Variants in STPG1 observed in about 807,000 individuals in gnomAD.
STPG1 encodes the protein O(6)-methylguanine-induced apoptosis 2.
A neutral mutation model predicts 40.1 loss-of-function variants in STPG1; 33 were observed. That is an observed-to-expected ratio of 0.82 (90% CI 0.62 to 1.10). STPG1 has a LOEUF of 1.10. Ranked by LOEUF, STPG1 falls within the 50% of genes least tolerant of loss-of-function variation. The pLI, the probability that STPG1 is intolerant of heterozygous loss-of-function variation, is 0.00. For synonymous variants in STPG1, 150 were observed against 155.0 expected (o/e 0.97, Z 0.24); for missense variants, 396 against 415.1 (o/e 0.95, Z 0.40).
intron 2 of STPG1, among the ~76,000 whole-genome samples, chr1:24,398,131 T>C (rs572415726): frequency 2.0e-5 from 3 of 152,266 alleles, no homozygotes; most frequent in African/African-American, 7.2e-5. Flanking sequence ...CCATTAGGTA[T>C]GTAATGGTAT....
rs1338118809 is a variant in STPG1 at position 24,379,740 on chromosome 1, G to A, written c.375C>T (p.Asp125=). 6.2e-7 allele frequency: 1 copy of A among 1,614,164 alleles called. No individual in the cohort carries two copies. Among genetic ancestry groups the A allele is most frequent in the Admixed American group, 1.7e-5 (1 of 60,022 alleles). ...TIPSDFISKR[D]FSNSCSSMFQ... is the part of the protein sequence containing the mutation. ...ACATGCTGGAACACGAATTACTAAA[G>A]TCTCTCTTGGAAATAAAATCCGATG... is the stretch of plus-strand genomic sequence containing the variant. Residue 125 remains aspartate (D), a synonymous_variant, in exon 5 of 9, where the codon GAC becomes GAT. Transcript: ENST00000337248.
intron 6 of STPG1, among the ~76,000 whole-genome samples, chr1:24,371,969 G>C (rs1641768112): frequency 6.6e-6 from 1 of 152,198 alleles, no homozygotes; most frequent in East Asian, 1.9e-4. Flanking sequence ...CTTGAGGTCA[G>C]GAGTTTGAGA....
At chr1:24,366,059 A>G (rs1269813136) in intron 7 of STPG1, among the ~76,000 whole-genome samples, 1 of 152,210 alleles carries the variant, frequency 6.6e-6, no homozygotes, top group Non-Finnish European at 1.5e-5. Context: ...GGGAGAATTC[A>G]TATCTGCACT....
At chr1:24,385,590 T>A (rs1190643523) in intron 3 of STPG1, among the ~76,000 whole-genome samples, 1 of 152,216 alleles carries the variant, frequency 6.6e-6, no homozygotes, top group Non-Finnish European at 1.5e-5. Flanking sequence ...CATGTACTAT[T>A]AGCTCACTTA....
intron 2 of STPG1, among the ~76,000 whole-genome samples, chr1:24,393,532 G>A (rs987738331): frequency 6.6e-6 from 1 of 152,092 alleles, no homozygotes; most frequent in Admixed American, 6.5e-5. Flanking sequence ...ATTTAAAAAA[G>A]GTTAAAGGAA....
chr1:24,413,413 T>C (rs995800865), intron 1 of STPG1, among the ~76,000 whole-genome samples: 7 of 152,210 alleles, frequency 4.6e-5, no homozygotes, highest in Non-Finnish European at 7.3e-5. Context: ...CCCACGCCCC[T>C]GGCAGGAGCT....
chr1:24,371,459 TG>T (rs770460871), intron 6 of STPG1, among the ~76,000 whole-genome samples: 42 of 151,886 alleles, frequency 2.8e-4, no homozygotes, highest in Non-Finnish European at 1.9e-4. Flanking sequence ...GGTGTGGTGG[TG>T]TGCACCTGTA....
At chr1:24,402,745 CA>C (rs4024512) in intron 1 of STPG1, among the ~76,000 whole-genome samples, 75 of 108,010 alleles carry the variant, frequency 6.9e-4, no homozygotes, top group African/African-American at 6.1e-4. Flanking sequence ...CAGCCTATCT[CA>C]AAAAAAAAAA....
Position 24,413,718 on chromosome 1 carries a change from G to A in STPG1, c.-113C>T, listed in dbSNP as rs1643866938. 6.6e-6 allele frequency: 1 copy of A among 152,270 alleles called. No homozygotes were observed. Among genetic ancestry groups the A allele is most frequent in the South Asian group, 2.1e-4 (1 of 4,832 alleles). The allele number at this position is 152,270 out of a possible 1,614,324, so 9.4% of individuals were successfully genotyped here. A position where few individuals can be genotyped will look rare whatever the true frequency, so the allele number is the denominator to read the frequency against. On this transcript the variant is annotated 5_prime_UTR_variant, in exon 1 of 9. Transcript: ENST00000337248. ...TGAATCTGGCCAGCCCAACCTCCCGGTCGCTATGGCACCCACAGGCCTAAC... is the reference window on the plus strand; with the variant it reads ...TGAATCTGGCCAGCCCAACCTCCCGATCGCTATGGCACCCACAGGCCTAAC...
intron 7 of STPG1, among the ~76,000 whole-genome samples, chr1:24,363,347 T>C (rs1641245808): frequency 6.6e-6 from 1 of 152,218 alleles, no homozygotes; most frequent in Admixed American, 6.5e-5. Flanking sequence ...TGTGGGATTC[T>C]GGGCCAGGCA....
At chr1:24,374,027 C>A (rs1319247982) in intron 5 of STPG1, among the ~76,000 whole-genome samples, 1 of 152,160 alleles carries the variant, frequency 6.6e-6, no homozygotes. Flanking sequence ...CTGGAAAATG[C>A]TGGTCACTCA....
In STPG1 at chr1:24,399,724, A is replaced by G. The variant is rs555743131; in HGVS notation, c.70+1595T>C. 6.6e-5 allele frequency among the ~76,000 whole-genome samples: 10 copies of G among 152,326 alleles called. No individual in the cohort carries two copies. Among genetic ancestry groups the G allele is most frequent in the Admixed American group, 5.9e-4 (9 of 15,300 alleles). On this transcript the variant is annotated intron_variant, in intron 2 of 8. Transcript: ENST00000337248. The surrounding 1 kb of genome is among the most constrained non-coding windows in gnomAD (Gnocchi z 4.0). ...AAGAACTCCTATAAATAAAAAAAAGAAAAGACAAGACAAGACCCAGCAGAA... is the reference window on the plus strand; with the variant it reads ...AAGAACTCCTATAAATAAAAAAAAGGAAAGACAAGACAAGACCCAGCAGAA...
intron 5 of STPG1, among the ~76,000 whole-genome samples, chr1:24,378,683 AATT>A (rs1642143630): frequency 6.6e-6 from 1 of 152,248 alleles, no homozygotes; most frequent in Non-Finnish European, 1.5e-5. Context: ...TCAGAAAAAT[AATT>A]ATTAATTATC....
In STPG1 at chr1:24,358,460, C is replaced by T. The variant is rs781396424; in HGVS notation, c.*83G>A. 99 of 1,179,608 alleles carry T rather than the reference C, an allele frequency of 8.4e-5. No individual in the cohort carries two copies. The highest frequency in any genetic ancestry group is 1.2e-4 in the East Asian group (5 of 42,908). 73.1% of individuals were successfully genotyped at this position (1,179,608 alleles called of 1,614,324 possible). Reference sequence around the variant, plus strand: ...AGTTGTCAGCTGCCACACTCATGATCGGTCTCCTCCTGAGGAATGTCCTGG... The same window carrying T: ...AGTTGTCAGCTGCCACACTCATGATTGGTCTCCTCCTGAGGAATGTCCTGG... On this transcript the variant is annotated 3_prime_UTR_variant, in exon 9 of 9. Coordinates refer to ENST00000337248, the MANE Select transcript of STPG1 (RefSeq NM_001199013.2).
intron 7 of STPG1, among the ~76,000 whole-genome samples, chr1:24,361,281 G>T (rs1641099554): frequency 6.6e-6 from 1 of 152,166 alleles, no homozygotes; most frequent in Middle Eastern, 3.2e-3. Flanking sequence ...GGATAAATGA[G>T]ATGACGTACC....
In STPG1 at chr1:24,386,173, G is replaced by A. The variant is rs183589586; in HGVS notation, c.190-2170C>T. ...TTAGTATATCCCATGCAATATTTGG[G>A]ACATACTTGTACTAACAGAGTTGCC... On this transcript the variant is annotated intron_variant, in intron 3 of 8. Coordinates refer to ENST00000337248, the MANE Select transcript of STPG1 (RefSeq NM_001199013.2). 2.4e-3 allele frequency among the ~76,000 whole-genome samples: 361 copies of A among 152,294 alleles called. 8 individuals are homozygous for A. The South Asian group carries it at 0.039, about 16-fold the overall frequency.
chr1:24,364,531 AT>A, intron 7 of STPG1: 2 of 1,270,280 alleles, frequency 1.6e-6, no homozygotes, highest in Non-Finnish European at 2.0e-6. Context: ...AAGGGAAGGT[AT>A]TGTGTCTTCC....
intron 1 of STPG1, among the ~76,000 whole-genome samples, chr1:24,405,256 C>T (rs868203966): frequency 6.6e-6 from 1 of 152,204 alleles, no homozygotes; most frequent in Non-Finnish European, 1.5e-5. Context: ...CCGCACCCAG[C>T]GCCTTCTTCT....
chr1:24,382,560 C>T (rs1003776037), intron 4 of STPG1, among the ~76,000 whole-genome samples: 6 of 152,114 alleles, frequency 3.9e-5, no homozygotes, highest in Non-Finnish European at 5.9e-5. Context: ...CTTCATGAGA[C>T]GGCACTTCTT....
Sources: gnomAD v4.1 joint callset for allele counts (sites outside exome capture counted in the v4.1 genomes callset) on GRCh38, gnomAD v4.1.1 for gene constraint, Gnocchi (gnomAD v3.1) non-coding constraint, MANE v1.5 for transcripts, NCBI Gene and HGNC (gene_info 2026-07-23, HGNC 2026-07-21) for gene names.